KIAA0825: variants seen among roughly 807,000 people sequenced by gnomAD.
The protein encoded by KIAA0825 is uncharacterized protein KIAA0825.
Under a neutral mutation model 147.6 loss-of-function variants are expected in KIAA0825, and 119 were observed. The observed-to-expected ratio is 0.81, with a 90% confidence interval of 0.69 to 0.94. The LOEUF is 0.94. Ranked by LOEUF, KIAA0825 falls within the 40% of genes least tolerant of loss-of-function variation. The pLI is 0.00. For missense variants in KIAA0825, 1,381 were observed against 1,472.7 expected, an observed-to-expected ratio of 0.94 and a Z score of 1.02; for synonymous variants, 470 against 518.1, an observed-to-expected ratio of 0.91 and a Z score of 1.26.
chr5:94,342,127 C>T (rs1020678316), intron 20 of KIAA0825, among the ~76,000 whole-genome samples: 1 of 151,538 alleles, frequency 6.6e-6, no homozygotes, highest in African/African-American at 2.4e-5. Flanking sequence ...ACCTGGGAGG[C>T]GGAGCTTGCA....
At chr5:94,215,462 A>C (rs549133849) in intron 20 of KIAA0825, among the ~76,000 whole-genome samples, 2 of 152,292 alleles carry the variant, frequency 1.3e-5, no homozygotes, top group African/African-American at 2.4e-5. Context: ...TGAAGAGTTA[A>C]AAATATTTTT....
intron 20 of KIAA0825, among the ~76,000 whole-genome samples, chr5:94,330,305 T>C (rs939242183): frequency 1.3e-5 from 2 of 152,160 alleles, no homozygotes; most frequent in African/African-American, 4.8e-5. Flanking sequence ...ACATATAACA[T>C]AGACCATATT....
intron 1 of KIAA0825, among the ~76,000 whole-genome samples, chr5:94,613,670 C>T (rs1178440045): frequency 2.0e-5 from 3 of 152,346 alleles, no homozygotes; most frequent in African/African-American, 7.2e-5. Flanking sequence ...TGTGTCCCTG[C>T]AGGGCTGTTG....
intron 20 of KIAA0825, among the ~76,000 whole-genome samples, chr5:94,276,366 TGC>T (rs1270019804): frequency 6.6e-6 from 1 of 152,138 alleles, no homozygotes. Context: ...TTTTAACTAA[TGC>T]AGACTTCTTT....
intron 20 of KIAA0825, among the ~76,000 whole-genome samples, chr5:94,162,799 G>A (rs1767701684): frequency 1.3e-5 from 2 of 152,106 alleles, no homozygotes; most frequent in Non-Finnish European, 2.9e-5. Flanking sequence ...TAATAGTTTA[G>A]TGTTTTGTAC....
At chr5:94,398,520 C>T (rs1750968239) in intron 16 of KIAA0825, among the ~76,000 whole-genome samples, 1 of 152,150 alleles carries the variant, frequency 6.6e-6, no homozygotes, top group Non-Finnish European at 1.5e-5. Context: ...AAAATCCTCT[C>T]CTCTCTTGTG....
intron 5 of KIAA0825, among the ~76,000 whole-genome samples, chr5:94,500,494 TG>T (rs1159632681): frequency 4.6e-5 from 7 of 152,144 alleles, no homozygotes; most frequent in Non-Finnish European, 1.5e-5. Context: ...TCATAGTTTC[TG>T]GGTGAGTGAT....
At chr5:94,316,284 A>G (rs1256854523) in intron 20 of KIAA0825, among the ~76,000 whole-genome samples, 1 of 151,766 alleles carries the variant, frequency 6.6e-6, no homozygotes, top group East Asian at 1.9e-4. Flanking sequence ...TATGGCCTAA[A>G]TAAAATATGA....
At chr5:94,439,541 G>A (rs1189217294) in intron 14 of KIAA0825, among the ~76,000 whole-genome samples, 1 of 141,942 alleles carries the variant, frequency 7.0e-6, no homozygotes, top group East Asian at 1.9e-4. Flanking sequence ...CATCTTGCTT[G>A]TTTGTAAGTT....
Position 94,462,382 on chromosome 5 carries a change from C to A in KIAA0825, c.2246+5G>T. 7.6e-7 allele frequency: 1 copy of A among 1,314,740 alleles called. No individual in the cohort carries two copies. Among genetic ancestry groups the A allele is most frequent in the Non-Finnish European group, 1.0e-6 (1 of 962,848 alleles). 81.4% of individuals were successfully genotyped at this position (1,314,740 alleles called of 1,614,324 possible). A position where few individuals can be genotyped will look rare whatever the true frequency, so the allele number is the denominator to read the frequency against. On this transcript the variant is annotated splice_donor_5th_base_variant and intron_variant, in intron 12 of 20. Coordinates refer to ENST00000682413, the MANE Select transcript of KIAA0825 (RefSeq NM_001145678.3). ...AGCTAAAAGGAAAATACATTTGATA[C>A]TTACTTATATAATTCTGTTAATGGT...
intron 20 of KIAA0825, among the ~76,000 whole-genome samples, chr5:94,287,047 T>A (rs775237579): frequency 5.9e-5 from 9 of 152,152 alleles, no homozygotes; most frequent in Non-Finnish European, 8.8e-5. Context: ...ATCATTTATA[T>A]TTTCTGAGTC....
At chr5:94,327,707 G>A (rs1458807727) in intron 20 of KIAA0825, among the ~76,000 whole-genome samples, 1 of 152,044 alleles carries the variant, frequency 6.6e-6, no homozygotes, top group Non-Finnish European at 1.5e-5. Context: ...GGTTTTTGGA[G>A]TAAAGAACTC....
rs76303362 is a variant in KIAA0825 at position 94,154,292 on chromosome 5, C to T, written c.3711-168G>A. ...TAATACAATTCATTGGCACTGCCCC[C>T]GCGGAGTGGGCCAGGAGAGTGGGAG... On this transcript the variant is annotated intron_variant, in intron 20 of 20. Coordinates refer to ENST00000682413, the MANE Select transcript of KIAA0825 (RefSeq NM_001145678.3). 0.014 allele frequency among the ~76,000 whole-genome samples: 2,185 copies of T among 152,198 alleles called. 54 individuals are homozygous for T. The highest frequency in any genetic ancestry group is 0.049 in the African/African-American group (2,035 of 41,502).
chr5:94,311,574 T>C (rs550781256), intron 20 of KIAA0825, among the ~76,000 whole-genome samples: 1 of 151,814 alleles, frequency 6.6e-6, no homozygotes, highest in South Asian at 2.1e-4. Flanking sequence ...TAAAAAGCTT[T>C]TTAGAAAGTC....
At chr5:94,260,241 G>A (rs1367191938) in intron 20 of KIAA0825, among the ~76,000 whole-genome samples, 1 of 152,094 alleles carries the variant, frequency 6.6e-6, no homozygotes, top group East Asian at 1.9e-4. Flanking sequence ...ATTGCTGGAA[G>A]AAAACTTCAT....
At chr5:94,275,107 T>C (rs552351010) in intron 20 of KIAA0825, among the ~76,000 whole-genome samples, 1 of 152,274 alleles carries the variant, frequency 6.6e-6, no homozygotes, top group African/African-American at 2.4e-5. Flanking sequence ...GACAATACAG[T>C]ATATTCAATC....
intron 20 of KIAA0825, among the ~76,000 whole-genome samples, chr5:94,166,256 G>A (rs923190709): frequency 6.6e-6 from 1 of 152,200 alleles, no homozygotes; most frequent in Non-Finnish European, 1.5e-5. Context: ...TTCAGACAGA[G>A]AGCGTTCATT....
Position 94,520,563 on chromosome 5 carries a change from G to A in KIAA0825, c.655C>T (p.Leu219=), listed in dbSNP as rs749125023. The A allele has an allele frequency of 1.2e-6, 2 of 1,613,312 alleles. No individual in the cohort carries two copies. Among genetic ancestry groups the A allele is most frequent in the Non-Finnish European group, 1.7e-6 (2 of 1,179,472 alleles). Residue 219 remains leucine, a synonymous_variant, in exon 5 of 21, where the codon CTG becomes TTG. Coordinates refer to ENST00000682413, the MANE Select transcript of KIAA0825 (RefSeq NM_001145678.3). The part of the protein sequence containing the change: ...IIKYQNIQNK[L]LANLLWNCFP... ...CAGTTCCACAGAAGATTAGCCAACA[G>A]TTTATTCTGTATGTTTTGGTATTTG...
chr5:94,223,580 A>G (rs932475992), intron 20 of KIAA0825, among the ~76,000 whole-genome samples: 23 of 152,248 alleles, frequency 1.5e-4, no homozygotes, highest in African/African-American at 5.3e-4. Context: ...TCCAAGTGAC[A>G]TGAATATATT....
Sources: gnomAD v4.1 joint callset for allele counts (sites outside exome capture counted in the v4.1 genomes callset) on GRCh38, gnomAD v4.1.1 for gene constraint, MANE v1.5 for transcripts, NCBI Gene and HGNC (gene_info 2026-07-23, HGNC 2026-07-21) for gene names.